Variants in ELAPOR2 observed in about 807,000 individuals in gnomAD.
ELAPOR2 encodes the protein endosome/lysosome-associated apoptosis and autophagy regulator family member 2.
ELAPOR2 carries 89 observed loss-of-function variants against 120.7 expected under a neutral mutation model. The ratio of observed to expected loss-of-function variants is 0.74; its 90% CI spans 0.62 to 0.88. The LOEUF (loss-of-function observed/expected upper bound fraction) is 0.88, where lower values mean the gene tolerates loss of function less well. Among genes scored for constraint, ELAPOR2 ranks in the 40% least tolerant of loss-of-function variants. The probability of loss-of-function intolerance (pLI) is 0.00; values close to 1 mark genes in which losing one functional copy is unlikely to be tolerated. For synonymous variants in ELAPOR2, 444 were observed against 444.9 expected (o/e 1.00, Z 0.03); for missense variants, 1,134 against 1,251.6 (o/e 0.91, Z 1.42).
In ELAPOR2 at chr7:86,879,381, T is replaced by C. The variant is rs776376868; in HGVS notation, c.*1090A>G. The C allele has an allele frequency of 6.6e-6, 1 of 152,198 alleles. No individual in the cohort carries two copies. Among genetic ancestry groups the C allele is most frequent in the Non-Finnish European group, 1.5e-5 (1 of 68,024 alleles). The allele number at this position is 152,198 out of a possible 1,614,324, so 9.4% of individuals were successfully genotyped here. The stretch of plus-strand genomic sequence containing the variant: ...TGCTTATGAAATAACCACATTCTTA[T>C]TATGAATACAATTATATGTAATTTT... On this transcript the variant is annotated 3_prime_UTR_variant, in exon 22 of 22. Transcript: ENST00000450689.
chr7:86,928,641 T>A (rs1169691540), intron 8 of ELAPOR2, among the ~76,000 whole-genome samples: 1 of 151,830 alleles, frequency 6.6e-6, no homozygotes, highest in Non-Finnish European at 1.5e-5. Flanking sequence ...ACACAACTAG[T>A]AAATGGTAAA....
At chr7:86,882,277 C>T (rs186360963) in intron 21 of ELAPOR2, among the ~76,000 whole-genome samples, 1 of 152,214 alleles carries the variant, frequency 6.6e-6, no homozygotes, top group East Asian at 1.9e-4. Context: ...GATGTCTTCC[C>T]TCAAGGAGTT....
intron 1 of ELAPOR2, among the ~76,000 whole-genome samples, chr7:86,979,719 T>C (rs931398137): frequency 2.0e-5 from 3 of 152,080 alleles, no homozygotes; most frequent in African/African-American, 7.2e-5. Flanking sequence ...AGAGGTAGTA[T>C]CAGGTCAAGC....
chr7:86,995,234 A>G lies in ELAPOR2; in HGVS notation c.190-30210T>C, dbSNP rs1793084232. Reference sequence around the variant, plus strand: ...CAAGATAGGGTCATGCTCACCTCTAATCACTGTGAAGGAAAAGATCTCAAT... The same window carrying G: ...CAAGATAGGGTCATGCTCACCTCTAGTCACTGTGAAGGAAAAGATCTCAAT... On this transcript the variant is annotated intron_variant, in intron 1 of 21. Coordinates refer to ENST00000450689, the MANE Select transcript of ELAPOR2 (RefSeq NM_001142749.3). 2.0e-5 allele frequency among the ~76,000 whole-genome samples: 3 copies of G among 152,284 alleles called. No homozygotes were observed. The South Asian group carries it at 6.2e-4, about 32-fold the overall frequency.
intron 16 of ELAPOR2, among the ~76,000 whole-genome samples, chr7:86,909,222 C>T (rs545717836): frequency 1.9e-3 from 293 of 152,010 alleles, no homozygotes; most frequent in African/African-American, 6.7e-3. Context: ...GCCACACATC[C>T]GAATCACCTA....
At chr7:86,933,725 C>T (rs1019283712) in intron 8 of ELAPOR2, among the ~76,000 whole-genome samples, 3 of 152,058 alleles carry the variant, frequency 2.0e-5, no homozygotes, top group African/African-American at 7.2e-5. Flanking sequence ...AACTCCCTCA[C>T]CCCTCACTAA....
chr7:86,985,475 C>T (rs1056289480), intron 1 of ELAPOR2, among the ~76,000 whole-genome samples: 7 of 152,264 alleles, frequency 4.6e-5, no homozygotes, highest in Admixed American at 3.9e-4. Flanking sequence ...AGCAGCACAT[C>T]AAAAAGCTTA....
intron 8 of ELAPOR2, among the ~76,000 whole-genome samples, chr7:86,929,642 A>G (rs1056997745): frequency 6.6e-6 from 1 of 151,800 alleles, no homozygotes; most frequent in Non-Finnish European, 1.5e-5. Flanking sequence ...TTCCTTTTCT[A>G]TGACGGCTTT....
At chr7:86,926,942 G>C in intron 8 of ELAPOR2, 26 bp from the exon 9 acceptor site, 8 of 730,936 alleles carry the variant, frequency 1.1e-5, no homozygotes, top group Non-Finnish European at 8.0e-6. Context: ...AAAAAAAAAA[G>C]CAACCAAGTC....
At chr7:86,953,060 C>T (rs2116417901) in intron 2 of ELAPOR2, among the ~76,000 whole-genome samples, 1 of 149,584 alleles carries the variant, frequency 6.7e-6, no homozygotes, top group East Asian at 2.0e-4. Flanking sequence ...CATGCCACTG[C>T]ACCCCAGCCT....
rs1791063132 is a variant in ELAPOR2, at chr7:86,947,651, T to C, written c.506+76A>G. 6.3e-6 allele frequency: 8 copies of C among 1,275,472 alleles called. No homozygotes were observed. The South Asian group carries it at 1.0e-4, about 16-fold the overall frequency. The allele number at this position is 1,275,472 out of a possible 1,614,324, so 79.0% of individuals were successfully genotyped here. ...ACAAACAGTACCAAGATTATCCTCA[T>C]CTTCTTTCTGGAAAAGAGCAACTAC... On this transcript the variant is annotated intron_variant, in intron 3 of 21. Transcript: ENST00000450689.
chr7:87,032,131 G>A (rs1794441680), intron 1 of ELAPOR2, among the ~76,000 whole-genome samples: 1 of 152,116 alleles, frequency 6.6e-6, no homozygotes. Flanking sequence ...GCTTACATAT[G>A]TCAAAACTGA....
At chr7:86,925,754 A>C in intron 9 of ELAPOR2, 98 bp from the exon 10 acceptor site, 1 of 1,107,252 alleles carries the variant, frequency 9.0e-7, no homozygotes, top group Non-Finnish European at 1.3e-6. Flanking sequence ...ATTAGCAGGG[A>C]GAGAAGTGGA....
At position 87,006,566 on chromosome 7, in the gene ELAPOR2, T is replaced by C. The variant is rs191891406; in HGVS notation, c.190-41542A>G. On this transcript the variant is annotated intron_variant, in intron 1 of 21. Coordinates refer to ENST00000450689, the MANE Select transcript of ELAPOR2 (RefSeq NM_001142749.3). The stretch of plus-strand genomic sequence containing the variant: ...AAAGAAAAAGACTGAAAACTCAGGA[T>C]GTGGACAAGGATGTGAAGCAACTAG... Among the ~76,000 whole-genome samples the C allele has an allele frequency of 8.7e-4, 132 of 152,240 alleles. 1 individual carries two copies. The highest frequency in any genetic ancestry group is 6.8e-3 in the Middle Eastern group (2 of 294).
chr7:86,934,486 A>G (rs769681081), intron 8 of ELAPOR2, among the ~76,000 whole-genome samples: 3 of 151,908 alleles, frequency 2.0e-5, no homozygotes, highest in Non-Finnish European at 4.4e-5. Context: ...TTCAGCCCTC[A>G]TCTAGGGTGA....
intron 8 of ELAPOR2, among the ~76,000 whole-genome samples, chr7:86,929,646 C>T (rs138124064): frequency 2.4e-4 from 37 of 152,090 alleles, no homozygotes; most frequent in African/African-American, 7.0e-4. Flanking sequence ...TTTTCTATGA[C>T]GGCTTTGCTG....
At chr7:86,891,684 AT>A (rs778807633) in intron 21 of ELAPOR2, 39 bp downstream of exon 21, 3 of 1,570,462 alleles carry the variant, frequency 1.9e-6, no homozygotes, top group South Asian at 2.4e-5. Flanking sequence ...CCTCTACTTT[AT>A]AAACACCCAG....
intron 2 of ELAPOR2, among the ~76,000 whole-genome samples, chr7:86,957,182 AGAG>A (rs1791508467): frequency 6.6e-6 from 1 of 152,228 alleles, no homozygotes; most frequent in Admixed American, 6.5e-5. Flanking sequence ...TGTGTGTTAC[AGAG>A]GAGGTTTAAC....
chr7:86,919,237 C>A lies in ELAPOR2; in HGVS notation c.1473G>T (p.Leu491Phe). Residue 491 changes from leucine to phenylalanine, a missense_variant, in exon 11 of 22, where the codon TTG becomes TTT. By Grantham distance (22) the Leu-to-Phe change is conservative. Coordinates refer to ENST00000450689, the MANE Select transcript of ELAPOR2 (RefSeq NM_001142749.3). ...GSDNDYLILN[L>F]HIPGFKPPTS... ...TTCCTTACTTAAATCCTGGGATATGCAAGTTTAAGATCAGGTAATCATTGT... is the reference window on the plus strand; with the variant it reads ...TTCCTTACTTAAATCCTGGGATATGAAAGTTTAAGATCAGGTAATCATTGT... 2 of 1,610,794 alleles carry A rather than the reference C, an allele frequency of 1.2e-6. No individual in the cohort carries two copies. The highest frequency in any genetic ancestry group is 3.3e-5 in the Admixed American group (2 of 59,836).
Sources: allele counts gnomAD v4.1 joint callset (sites outside exome capture counted in the v4.1 genomes callset), GRCh38; gene constraint gnomAD v4.1.1; transcripts MANE v1.5; gene names NCBI Gene and HGNC (gene_info 2026-07-23, HGNC 2026-07-21).